MISFA: variants seen among roughly 807,000 people sequenced by gnomAD.
The protein encoded by MISFA is mitochondrial sheath formation-associated protein.
chr11:18,606,761 A>T, the MISFA span: 1 of 389,786 alleles, frequency 2.6e-6, no homozygotes, highest in Non-Finnish European at 4.9e-6. Flanking sequence ...TATATCTCAG[A>T]AATTTACCAA....
the MISFA span, chr11:18,601,053 T>A: frequency 7.5e-6 from 3 of 398,490 alleles, no homozygotes; most frequent in Non-Finnish European, 1.3e-5. Flanking sequence ...GGCCAATGAG[T>A]AGAGCCATCT....
the MISFA span, among the ~76,000 whole-genome samples, chr11:18,604,748 A>G: frequency 2.0e-5 from 3 of 152,236 alleles, no homozygotes; most frequent in Non-Finnish European, 4.4e-5. Flanking sequence ...TTCTGAAGCT[A>G]TTAGCCTCAT....
chr11:18,600,071 G>T, the MISFA span: 1 of 398,750 alleles, frequency 2.5e-6, no homozygotes, highest in South Asian at 1.3e-4. Context: ...TGGGTTTTCT[G>T]ACCAAATGGG....
At chr11:18,600,590 G>A in the MISFA span, among the ~76,000 whole-genome samples, 16 of 140,780 alleles carry the variant, frequency 1.1e-4, no homozygotes, top group Non-Finnish European at 1.8e-4. Flanking sequence ...GTGCGATCTC[G>A]GCTCACTGCA....
chr11:18,601,138 A>G, the MISFA span: 1 of 398,640 alleles, frequency 2.5e-6, no homozygotes, highest in African/African-American at 2.1e-5. Context: ...CAGGAGAGCA[A>G]AACACAACTG....
chr11:18,604,791 A>G, the MISFA span, among the ~76,000 whole-genome samples: 1 of 152,224 alleles, frequency 6.6e-6, no homozygotes, highest in Non-Finnish European at 1.5e-5. Flanking sequence ...GTTGAGGGGC[A>G]TGTTTATCTT....
At chr11:18,604,612 A>G in the MISFA span, among the ~76,000 whole-genome samples, 3 of 151,790 alleles carry the variant, frequency 2.0e-5, no homozygotes, top group African/African-American at 7.3e-5. Flanking sequence ...TGGGTGACAG[A>G]GTGAGACTCA....
At chr11:18,609,356 C>T in the MISFA span, 1 of 153,476 alleles carries the variant, frequency 6.5e-6, no homozygotes, top group South Asian at 2.0e-4. Context: ...TTCTACTCTA[C>T]ATTTTCAAGT....
the MISFA span, chr11:18,606,750 C>T: frequency 2.5e-6 from 1 of 393,926 alleles, no homozygotes; most frequent in Non-Finnish European, 4.8e-6. Context: ...TGGTCTCCTG[C>T]TATATCTCAG....
the MISFA span, chr11:18,601,052 G>A: frequency 1.0e-5 from 4 of 398,538 alleles, no homozygotes; most frequent in African/African-American, 2.1e-5. Flanking sequence ...GGGCCAATGA[G>A]TAGAGCCATC....
the MISFA span, chr11:18,608,955 T>C: frequency 2.7e-5 from 4 of 149,840 alleles, no homozygotes; most frequent in African/African-American, 7.3e-5. Context: ...TGAGGGCACC[T>C]TGGGATTTCA....
chr11:18,601,205 G>T, the MISFA span: 2 of 398,532 alleles, frequency 5.0e-6, no homozygotes. Flanking sequence ...AGGTCTGGTG[G>T]GTTGGATTCC....
the MISFA span, chr11:18,600,970 GA>G: frequency 5.0e-6 from 2 of 396,986 alleles, no homozygotes; most frequent in Admixed American, 4.4e-5. Flanking sequence ...TTATTGGTAG[GA>G]AGGGGGACGG....
At chr11:18,603,957 C>T in the MISFA span, 9 of 293,554 alleles carry the variant, frequency 3.1e-5, no homozygotes, top group Admixed American at 3.2e-4. Context: ...GACAGAGTCT[C>T]GCTGTGTCGC....
chr11:18,608,328 G>A, the MISFA span: 4 of 152,664 alleles, frequency 2.6e-5, no homozygotes, highest in African/African-American at 9.6e-5. Flanking sequence ...ATTAAGGGAG[G>A]CTAACAATGG....
chr11:18,604,244 T>C, the MISFA span, among the ~76,000 whole-genome samples: 2 of 152,240 alleles, frequency 1.3e-5, no homozygotes, highest in African/African-American at 4.8e-5. Context: ...TTTTTTAAGA[T>C]GAATGAAGAC....
At chr11:18,601,299 G>T in the MISFA span, 4 of 397,908 alleles carry the variant, frequency 1.0e-5, no homozygotes, top group Non-Finnish European at 1.8e-5. Flanking sequence ...ACTGTGGAAG[G>T]GGAAATGATT....
chr11:18,609,225 C>T, the MISFA span: 1 of 152,364 alleles, frequency 6.6e-6, no homozygotes, highest in African/African-American at 2.4e-5. Context: ...AAAATTTTTT[C>T]ATTAATTCCT....
chr11:18,602,834 T>G, the MISFA span: 1 of 293,910 alleles, frequency 3.4e-6, no homozygotes, highest in Non-Finnish European at 6.2e-6. Context: ...TAAATTTTCT[T>G]TAACCCAACG....
Sources: gnomAD v4.1 joint callset for allele counts (sites outside exome capture counted in the v4.1 genomes callset) on GRCh38, gnomAD v4.1.1 for gene constraint, MANE v1.5 for transcripts, NCBI Gene and HGNC (gene_info 2026-07-23, HGNC 2026-07-21) for gene names.